Variants in PTCH1 observed in about 807,000 individuals in gnomAD.
PTCH1 encodes the protein patched 1, also known as protein patched homolog 1.
PTCH1 carries 14 observed loss-of-function variants against 144.6 expected under a neutral mutation model. The observed-to-expected ratio is 0.10, with a 90% CI of 0.06 to 0.15. The LOEUF is 0.15. Among genes scored for constraint, PTCH1 ranks in the 10% least tolerant of loss-of-function variants. The pLI is 1.00. For synonymous variants in PTCH1, 833 were observed against 793.6 expected, an observed-to-expected ratio of 1.05 and a Z score of -0.83; for missense variants, 1,623 against 1,948.3, an observed-to-expected ratio of 0.83 and a Z score of 3.14.
intron 3 of PTCH1, among the ~76,000 whole-genome samples, chr9:95,484,917 G>A (rs1006218278): frequency 6.6e-5 from 10 of 152,170 alleles, no homozygotes; most frequent in South Asian, 2.1e-4. Context: ...TTAAAAAGGT[G>A]TCAGCGGGCC....
chr9:95,512,419 T>A (rs1489606916), upstream of PTCH1, among the ~76,000 whole-genome samples: 1 of 135,760 alleles, frequency 7.4e-6, no homozygotes, highest in African/African-American at 2.7e-5. Flanking sequence ...GCTTTTTTCA[T>A]ACTTAGAGAT....
rs912977281 is a variant in PTCH1, at chr9:95,476,058, G to A, written c.1704C>T (p.Pro568=). The A allele has an allele frequency of 5.6e-6, 9 of 1,613,960 alleles. No homozygotes were observed. The highest frequency in any genetic ancestry group is 1.7e-5 in the Admixed American group (1 of 59,998). Residue 568 remains proline, a synonymous_variant, in exon 12 of 24, where the codon CCC becomes CCT. Transcript: ENST00000331920. This position sits in a 1 kb window ranked among gnomAD's most constrained non-coding sequence, Gnocchi z 4.6. The part of the protein sequence containing the change: ...AFFMAALIPI[P]ALRAFSLQAA... Reference sequence around the variant, plus strand: ...CCTGGAGGGAGAACGCCCGCAGAGCGGGAATTGGGATTAACGCGGCCATGA... The same window carrying A: ...CCTGGAGGGAGAACGCCCGCAGAGCAGGAATTGGGATTAACGCGGCCATGA...
Position 95,467,410 on chromosome 9 carries a change from G to A in PTCH1, c.2266C>T (p.Leu756Phe), listed in dbSNP as rs1398517498. The A allele has an allele frequency of 1.9e-6, 3 of 1,614,108 alleles. No homozygotes were observed. Among genetic ancestry groups the A allele is most frequent in the Non-Finnish European group, 2.5e-6 (3 of 1,180,022 alleles). Residue 756 changes from leucine (L) to phenylalanine (F), a missense_variant, in exon 15 of 24, where the codon CTT becomes TTT. This residue lies in a region of PTCH1 where 504 missense variants were observed against 679.3 expected (regional missense o/e 0.74). Transcript: ENST00000331920. ...CTGACCCCCAGCAAGCCCAGAAAAA[G>A]GAAGATCACCACTACCTGGAACAGA... Reference protein sequence around the residue: ...KPKAKVVVIFLFLGLLGVSLY... With the variant: ...KPKAKVVVIFFFLGLLGVSLY...
At chr9:95,507,848 C>A in intron 1 of PTCH1, 2 of 1,092,196 alleles carry the variant, frequency 1.8e-6, no homozygotes, top group Non-Finnish European at 2.4e-6. Flanking sequence ...TTGAGGTGGT[C>A]CGCCGTGGAC....
chr9:95,479,221 C>G (rs1003376068), intron 7 of PTCH1, 74 bp from the exon 8 acceptor site: 4 of 1,586,880 alleles, frequency 2.5e-6, no homozygotes, highest in Non-Finnish European at 3.5e-6. Context: ...AAATCCCCAG[C>G]CAGCTCCCCC....
intron 14 of PTCH1, among the ~76,000 whole-genome samples, chr9:95,468,276 C>T (rs1012494270): frequency 2.0e-5 from 3 of 152,018 alleles, no homozygotes; most frequent in Admixed American, 6.5e-5. Flanking sequence ...GGGCTGTTCT[C>T]GAACTCCTGG....
upstream of PTCH1, among the ~76,000 whole-genome samples, chr9:95,512,023 T>C (rs550089614): frequency 6.6e-6 from 1 of 152,300 alleles, no homozygotes; most frequent in East Asian, 1.9e-4. Flanking sequence ...GATTTCAGTA[T>C]AGCTTGTTTG....
chr9:95,470,848 G>A (rs1246740254), intron 12 of PTCH1, among the ~76,000 whole-genome samples: 2 of 152,196 alleles, frequency 1.3e-5, no homozygotes, highest in Non-Finnish European at 2.9e-5. Flanking sequence ...GCTGAGGTGG[G>A]TGGATCACGG....
At chr9:95,510,022 T>C (rs1844067433), upstream of PTCH1, among the ~76,000 whole-genome samples, 1 of 144,346 alleles carries the variant, frequency 6.9e-6, no homozygotes, top group Non-Finnish European at 1.5e-5. Flanking sequence ...AAAAACACAG[T>C]CTTGGTTTGA....
At chr9:95,455,077 TA>T (rs1838798765) in intron 19 of PTCH1, among the ~76,000 whole-genome samples, 1 of 152,162 alleles carries the variant, frequency 6.6e-6, no homozygotes, top group African/African-American at 2.4e-5. Context: ...CTCTTCTTTT[TA>T]AAAAAATAGT....
At chr9:95,494,190 G>A (rs1842640087) in intron 2 of PTCH1, 1 of 984,980 alleles carries the variant, frequency 1.0e-6, no homozygotes, top group South Asian at 4.7e-5. Context: ...GCCCCCACCA[G>A]CTGCTGGCAG....
chr9:95,509,905 TAAAC>T (rs1844057240), upstream of PTCH1, among the ~76,000 whole-genome samples: 1 of 151,272 alleles, frequency 6.6e-6, no homozygotes, highest in Non-Finnish European at 1.5e-5. Context: ...CGCATTAAGA[TAAAC>T]AGAATGGAAA....
chr9:95,477,798 G>A, intron 9 of PTCH1, 96 bp from the exon 10 acceptor site: 1 of 1,535,330 alleles, frequency 6.5e-7, no homozygotes, highest in African/African-American at 1.4e-5. Flanking sequence ...CAAATCAAAA[G>A]GCAGAACTTA....
chr9:95,488,634 A>T (rs924120494), intron 2 of PTCH1, among the ~76,000 whole-genome samples: 2 of 152,084 alleles, frequency 1.3e-5, no homozygotes, highest in Admixed American at 6.6e-5. Flanking sequence ...GGGTACTTTG[A>T]CCAGGCAGTG....
upstream of PTCH1, among the ~76,000 whole-genome samples, chr9:95,510,732 GAAA>G (rs987142588): frequency 6.8e-6 from 1 of 146,602 alleles, no homozygotes; most frequent in African/African-American, 2.6e-5. Context: ...TATGTTCATT[GAAA>G]AAAAAAGAAG....
intron 15 of PTCH1, 134 bp from the exon 16 acceptor site, chr9:95,462,132 C>T (rs1229946321): frequency 9.7e-7 from 1 of 1,029,064 alleles, no homozygotes; most frequent in African/African-American, 1.6e-5. Flanking sequence ...CTCTGTGTCC[C>T]ACATCCACTT....
rs1314791689 is a variant in PTCH1, at chr9:95,507,125, C to A, written c.202-526G>T. 1.3e-5 allele frequency: 13 copies of A among 976,022 alleles called. 1 individual carries two copies. In the South Asian group the frequency reaches 5.7e-4, roughly 43 times the overall value. The allele number at this position is 976,022 out of a possible 1,614,324, so 60.5% of individuals were successfully genotyped here. A position where few individuals can be genotyped will look rare whatever the true frequency, so the allele number is the denominator to read the frequency against. On this transcript the variant is annotated intron_variant, in intron 1 of 23. Coordinates refer to ENST00000331920, the MANE Select transcript of PTCH1 (RefSeq NM_000264.5). Reference sequence around the variant, plus strand: ...GAGAATGGTAGTAAGTGGGGATCCACGTGGTGAGCGCGGCCGCCGGAGTTC... The same window carrying A: ...GAGAATGGTAGTAAGTGGGGATCCAAGTGGTGAGCGCGGCCGCCGGAGTTC...
intron 7 of PTCH1, 36 bp downstream of exon 7, chr9:95,479,933 C>T (rs760510398): frequency 3.4e-5 from 55 of 1,614,054 alleles, no homozygotes; most frequent in Middle Eastern, 1.6e-4. Context: ...AGGAAGAAGA[C>T]TACAGGGCAT....
chr9:95,505,119 A>G (rs1191759286), intron 2 of PTCH1, among the ~76,000 whole-genome samples: 2 of 152,180 alleles, frequency 1.3e-5, no homozygotes, highest in African/African-American at 2.4e-5. Context: ...CTTCTCAACT[A>G]AATACTCCAA....
Sources: allele counts gnomAD v4.1 joint callset (sites outside exome capture counted in the v4.1 genomes callset), GRCh38; gene constraint gnomAD v4.1.1; regional missense constraint gnomAD v4.1.1; non-coding constraint Gnocchi (gnomAD v3.1); transcripts MANE v1.5; gene names NCBI Gene and HGNC (gene_info 2026-07-23, HGNC 2026-07-21).